Variants in AGBL4 observed in about 807,000 individuals in gnomAD.
AGBL4 encodes the protein AGBL carboxypeptidase 4.
In AGBL4, 58 loss-of-function variants were observed where a neutral mutation model predicts 66.4. The ratio of observed to expected loss-of-function variants is 0.87; its 90% CI spans 0.71 to 1.09. The LOEUF (loss-of-function observed/expected upper bound fraction) is 1.09. AGBL4 is among the 50% of genes least tolerant of loss of function. AGBL4 has a pLI of 0.00. For missense variants in AGBL4, 579 were observed against 631.0 expected (o/e 0.92, Z 0.88); for synonymous variants, 234 against 222.9 (o/e 1.05, Z -0.44).
intron 3 of AGBL4, among the ~76,000 whole-genome samples, chr1:49,637,901 C>T (rs910987941): frequency 1.3e-5 from 2 of 151,900 alleles, no homozygotes; most frequent in Non-Finnish European, 2.9e-5. Context: ...GCATAAAACA[C>T]TTAAGAAAGA....
chr1:49,288,308 T>C (rs528137055), intron 3 of AGBL4, among the ~76,000 whole-genome samples: 1 of 150,716 alleles, frequency 6.6e-6, no homozygotes, highest in South Asian at 2.1e-4. Context: ...GGCACATGTA[T>C]ACATATGTAA....
intron 3 of AGBL4, among the ~76,000 whole-genome samples, chr1:49,588,857 GGATT>G (rs1288441470): frequency 6.6e-6 from 1 of 152,110 alleles, no homozygotes. Context: ...AGACACATAG[GGATT>G]GATTAACTTA....
intron 5 of AGBL4, among the ~76,000 whole-genome samples, chr1:48,872,824 A>G (rs1349287397): frequency 6.6e-6 from 1 of 152,158 alleles, no homozygotes; most frequent in African/African-American, 2.4e-5. Flanking sequence ...AGCCATAAAA[A>G]GAGCGTACGC....
chr1:49,059,746 C>A (rs564103418), intron 4 of AGBL4, among the ~76,000 whole-genome samples: 14 of 152,194 alleles, frequency 9.2e-5, no homozygotes, highest in Non-Finnish European at 1.9e-4. Context: ...ATCAGCATGA[C>A]CTGGATGTGA....
chr1:48,598,545 G>A (rs1308861877), intron 9 of AGBL4, among the ~76,000 whole-genome samples: 2 of 152,036 alleles, frequency 1.3e-5, no homozygotes, highest in Non-Finnish European at 2.9e-5. Context: ...AGGAGGCCAA[G>A]GCAGGCGGAT....
chr1:49,467,736 G>T (rs1284564205), intron 3 of AGBL4, among the ~76,000 whole-genome samples: 1 of 151,806 alleles, frequency 6.6e-6, no homozygotes, highest in Non-Finnish European at 1.5e-5. Flanking sequence ...ATTTCTTAAG[G>T]TCTTGTTCAA....
intron 2 of AGBL4, among the ~76,000 whole-genome samples, chr1:49,779,462 T>C (rs1644282415): frequency 6.6e-6 from 1 of 152,122 alleles, no homozygotes; most frequent in Admixed American, 6.5e-5. Context: ...GAGGAGCCCT[T>C]AACAAAAGGT....
chr1:48,734,054 C>A (rs1648607446), intron 6 of AGBL4, among the ~76,000 whole-genome samples: 1 of 152,186 alleles, frequency 6.6e-6, no homozygotes, highest in Non-Finnish European at 1.5e-5. Context: ...CCAGGCAGGG[C>A]AGGGCAGGGC....
chr1:49,074,517 C>T (rs1194510271), intron 4 of AGBL4, among the ~76,000 whole-genome samples: 2 of 152,198 alleles, frequency 1.3e-5, no homozygotes, highest in Non-Finnish European at 2.9e-5. Context: ...CCTATTCGAC[C>T]ATCTTGCCAG....
intron 1 of AGBL4, among the ~76,000 whole-genome samples, chr1:49,923,204 C>T (rs1296521979): frequency 6.6e-6 from 1 of 152,090 alleles, no homozygotes; most frequent in Non-Finnish European, 1.5e-5. Flanking sequence ...CTGACAAAAA[C>T]AAGCAATGGG....
chr1:48,778,162 TCCATCCATCCATCCATCCAA>T (rs1282777481), intron 6 of AGBL4, among the ~76,000 whole-genome samples: 11 of 152,036 alleles, frequency 7.2e-5, no homozygotes, highest in African/African-American at 2.7e-4. Context: ...CATCCATCCA[TCCATCCATCCATCCATCCAA>T]CCATCCATCC....
At chr1:48,836,878 G>C (rs1300662465) in intron 6 of AGBL4, among the ~76,000 whole-genome samples, 1 of 151,446 alleles carries the variant, frequency 6.6e-6, no homozygotes, top group Non-Finnish European at 1.5e-5. Context: ...TGTGCTGGTT[G>C]TAGAGGCTGG....
At chr1:48,602,372 T>A (rs1484768169) in intron 9 of AGBL4, among the ~76,000 whole-genome samples, 1 of 152,186 alleles carries the variant, frequency 6.6e-6, no homozygotes, top group Non-Finnish European at 1.5e-5. Context: ...GAGTCTTATA[T>A]CCTTCCAAAA....
At chr1:49,025,421 A>G (rs79711104) in intron 5 of AGBL4, among the ~76,000 whole-genome samples, 2,338 of 152,250 alleles carry the variant, frequency 0.015, 23 homozygotes, top group Non-Finnish European at 0.023. Flanking sequence ...AGGCCAATAA[A>G]CAGGATGTTC....
intron 3 of AGBL4, among the ~76,000 whole-genome samples, chr1:49,407,806 TTA>T (rs1645235503): frequency 6.6e-6 from 1 of 152,216 alleles, no homozygotes; most frequent in African/African-American, 2.4e-5. Context: ...TGAAAGTGAT[TTA>T]TGAGGCATAT....
chr1:48,658,017 C>T (rs188262280), intron 7 of AGBL4, among the ~76,000 whole-genome samples: 2 of 152,240 alleles, frequency 1.3e-5, no homozygotes, highest in East Asian at 1.9e-4. Flanking sequence ...ATACTCAAGA[C>T]CTATGTATGA....
chr1:49,917,336 A>G (rs958728276), intron 1 of AGBL4, among the ~76,000 whole-genome samples: 1 of 152,008 alleles, frequency 6.6e-6, no homozygotes, highest in Admixed American at 6.6e-5. Context: ...GTATTCAGGA[A>G]ACCCATCTCG....
chr1:48,615,325 T>A (rs1421243131), intron 9 of AGBL4, among the ~76,000 whole-genome samples: 17 of 152,204 alleles, frequency 1.1e-4, no homozygotes. Context: ...AAGTTGTGGC[T>A]GTGCTGGTGC....
At chr1:49,773,405 T>A (rs1283865977) in intron 2 of AGBL4, among the ~76,000 whole-genome samples, 1 of 152,190 alleles carries the variant, frequency 6.6e-6, no homozygotes, top group Non-Finnish European at 1.5e-5. Context: ...CGAGTGGAAG[T>A]GTTGCTTTTT....
Sources: gnomAD v4.1 joint callset for allele counts (sites outside exome capture counted in the v4.1 genomes callset) on GRCh38, gnomAD v4.1.1 for gene constraint, MANE v1.5 for transcripts, NCBI Gene and HGNC (gene_info 2026-07-23, HGNC 2026-07-21) for gene names.